MFSD11: variants seen among roughly 807,000 people sequenced by gnomAD.
MFSD11 encodes major facilitator superfamily domain containing 11.
In MFSD11, 36 loss-of-function variants were observed where a neutral mutation model predicts 53.5. That is an observed-to-expected ratio of 0.67 (90% CI 0.52 to 0.89). The LOEUF (loss-of-function observed/expected upper bound fraction) is 0.89. MFSD11 is among the 40% of genes least tolerant of loss of function. The pLI is 0.00. For synonymous variants in MFSD11, 186 were observed against 184.9 expected, an observed-to-expected ratio of 1.01 and a Z score of -0.05; for missense variants, 530 against 543.9, an observed-to-expected ratio of 0.97 and a Z score of 0.25.
chr17:76,786,536 C>T, the MFSD11 span, among the ~76,000 whole-genome samples: 1 of 152,178 alleles, frequency 6.6e-6, no homozygotes, highest in Non-Finnish European at 1.5e-5. Context: ...GCAGCTGGGT[C>T]TTAAGGAAAA....
chr17:76,753,931 C>A, intron 7 of MFSD11, 116 bp from the exon 8 acceptor site: 3 of 745,812 alleles, frequency 4.0e-6, no homozygotes, highest in South Asian at 1.8e-5. Context: ...ACTGGGAATG[C>A]ATCTCAGACC....
the MFSD11 span, among the ~76,000 whole-genome samples, chr17:76,799,954 C>CTTT: frequency 5.3e-3 from 459 of 87,104 alleles, 44 homozygotes; most frequent in Middle Eastern, 7.5e-3. Flanking sequence ...TTTTCTTTTT[C>CTTT]CTTTTTTTTT....
rs28619519 is a variant in MFSD11, at chr17:76,778,157, G to A, written c.1186-31G>A. On this transcript the variant is annotated intron_variant, in intron 12 of 12. Coordinates refer to ENST00000685175, the MANE Select transcript of MFSD11 (RefSeq NM_001242532.5). ...TGTGGCTCAGTGTGGCCCCCGGTGC[G>A]CCCGTTGTGATTTGTTTTGTTTGTT... The A allele has an allele frequency of 0.014, 22,240 of 1,612,726 alleles. 2,419 individuals are homozygous for A. The African/African-American group carries it at 0.25, about 18-fold the overall frequency.
At chr17:76,784,408 C>T (rs1306025749), downstream of MFSD11, among the ~76,000 whole-genome samples, 5 of 152,208 alleles carry the variant, frequency 3.3e-5, no homozygotes, top group East Asian at 9.7e-4. Flanking sequence ...GTGGCGCTGC[C>T]TGTAGTCCCA....
chr17:76,745,265 T>C (rs2078432851), intron 7 of MFSD11: 1 of 152,224 alleles, frequency 6.6e-6, no homozygotes, highest in Non-Finnish European at 1.5e-5. Context: ...GGGCCTAAAA[T>C]TGTCCAGTCA....
At chr17:76,803,320 G>A in the MFSD11 span, among the ~76,000 whole-genome samples, 20 of 152,286 alleles carry the variant, frequency 1.3e-4, no homozygotes, top group African/African-American at 4.6e-4. Context: ...GGCACAGACC[G>A]AACTAACTTT....
At chr17:76,750,436 T>C (rs1187053885) in intron 7 of MFSD11, among the ~76,000 whole-genome samples, 2 of 141,686 alleles carry the variant, frequency 1.4e-5, no homozygotes, top group African/African-American at 5.3e-5. Flanking sequence ...TGGCGCAAAC[T>C]CGGCTCCGCC....
At chr17:76,763,778 A>G (rs2080521721) in intron 8 of MFSD11, among the ~76,000 whole-genome samples, 1 of 152,016 alleles carries the variant, frequency 6.6e-6, no homozygotes, top group Non-Finnish European at 1.5e-5. Context: ...TTTGAAGCAC[A>G]AAACTTAAAA....
At chr17:76,794,349 C>T in the MFSD11 span, among the ~76,000 whole-genome samples, 2 of 150,712 alleles carry the variant, frequency 1.3e-5, no homozygotes, top group African/African-American at 5.0e-5. Flanking sequence ...TGGTGGAGCG[C>T]ACCTGTAATC....
downstream of MFSD11, chr17:76,781,308 A>G (rs1436213800): frequency 2.0e-5 from 3 of 152,234 alleles, no homozygotes; most frequent in Non-Finnish European, 4.4e-5. Context: ...AGGGCAGCCT[A>G]CGACATGGCA....
rs1256470874 is a variant in MFSD11 at position 76,750,364 on chromosome 17, A to ATT, written c.642-3662_642-3661dup. Among the ~76,000 whole-genome samples, 1,038 of 123,610 alleles carry ATT rather than the reference A, an allele frequency of 8.4e-3. 30 individuals are homozygous for ATT. Among genetic ancestry groups the ATT allele is most frequent in the South Asian group, 0.022 (87 of 3,918 alleles). The allele number at this position is 123,610 out of a possible 152,430, so 81.1% of individuals were successfully genotyped here. ...CACACTATTTTTTTGTGTGTTAGTAATTTTTTTTTTTTTTTTTTTTTTGAG... is the reference window on the plus strand; with the variant it reads ...CACACTATTTTTTTGTGTGTTAGTAATTTTTTTTTTTTTTTTTTTTTTTTGAG... On this transcript the variant is annotated intron_variant, in intron 7 of 12. Transcript: ENST00000685175.
Position 76,738,927 on chromosome 17 carries a change from C to G in MFSD11, c.97-11C>G, listed in dbSNP as rs1568036070. The stretch of plus-strand genomic sequence containing the variant: ...AAACATTTTCGTTGATTAGTTTTAT[C>G]TTCCACACAGCAAACTGTCATCAGG... On this transcript the variant is annotated splice_polypyrimidine_tract_variant and intron_variant, in intron 1 of 12. Transcript: ENST00000685175. The G allele has an allele frequency of 5.6e-6, 9 of 1,613,336 alleles. No individual in the cohort carries two copies. Among genetic ancestry groups the G allele is most frequent in the South Asian group, 1.1e-5 (1 of 91,066 alleles).
chr17:76,740,477 T>C (rs1320580758), intron 2 of MFSD11, among the ~76,000 whole-genome samples: 2 of 152,188 alleles, frequency 1.3e-5, no homozygotes, highest in Admixed American at 6.5e-5. Flanking sequence ...GCCAGAGTTG[T>C]AGGCTAAGTT....
Position 76,778,313 on chromosome 17 carries a change from C to T in MFSD11, c.1311C>T (p.Ala437=), listed in dbSNP as rs113162843. The T allele has an allele frequency of 1.7e-5, 28 of 1,614,050 alleles. No individual in the cohort carries two copies. The highest frequency in any genetic ancestry group is 7.7e-5 in the South Asian group (7 of 91,090). ...TCTTCACTGTGGAATGGGAAGCTGC[C>T]GCCTTTGTAGCCCGCGGCTCTGACT... ...ISFFTVEWEA[A]AFVARGSDYR... is the part of the protein sequence containing the mutation. Residue 437 remains alanine (A), a synonymous_variant, in exon 13 of 13, where the codon GCC becomes GCT. Transcript: ENST00000685175.
At chr17:76,757,677 A>G (rs1483243109) in intron 8 of MFSD11, among the ~76,000 whole-genome samples, 3 of 152,222 alleles carry the variant, frequency 2.0e-5, no homozygotes, top group Admixed American at 6.5e-5. Flanking sequence ...AAACAATGCT[A>G]AAGTTCTTCT....
In MFSD11 at chr17:76,767,147, G is replaced by A. The variant is rs2080920348; in HGVS notation, c.683-239G>A. ...CTTCCTTTTCATGTTTTTGTTATAAGAGCTGGAAAATGTGCTGAGGAAATG... is the reference window on the plus strand; with the variant it reads ...CTTCCTTTTCATGTTTTTGTTATAAAAGCTGGAAAATGTGCTGAGGAAATG... On this transcript the variant is annotated intron_variant, in intron 8 of 12. Transcript: ENST00000685175. 7.8e-6 allele frequency: 3 copies of A among 386,712 alleles called. No homozygotes were observed. The South Asian group carries it at 1.5e-4, about 20-fold the overall frequency. 24.0% of individuals were successfully genotyped at this position (386,712 alleles called of 1,614,324 possible).
chr17:76,803,164 A>G, the MFSD11 span, among the ~76,000 whole-genome samples: 2 of 151,826 alleles, frequency 1.3e-5, no homozygotes, highest in Non-Finnish European at 2.9e-5. Context: ...TCAAAAAAAC[A>G]AAAACAAAAA....
rs2082072423 is a variant in MFSD11, at chr17:76,779,089, C to T, written c.*737C>T. On this transcript the variant is annotated 3_prime_UTR_variant, in exon 13 of 13. Transcript: ENST00000685175. ...CCAACATGGTGAAACCTCATCTCTACTAAAAATACAAAAATGTGTTGGGTT... is the reference window on the plus strand; with the variant it reads ...CCAACATGGTGAAACCTCATCTCTATTAAAAATACAAAAATGTGTTGGGTT... 6.6e-6 allele frequency: 1 copy of T among 151,750 alleles called. No homozygotes were observed. The highest frequency in any genetic ancestry group is 1.5e-5 in the Non-Finnish European group (1 of 67,968). 9.4% of individuals were successfully genotyped at this position (151,750 alleles called of 1,614,324 possible).
the MFSD11 span, among the ~76,000 whole-genome samples, chr17:76,795,553 A>G: frequency 6.6e-6 from 1 of 152,038 alleles, no homozygotes; most frequent in Non-Finnish European, 1.5e-5. Flanking sequence ...ATACTATGCT[A>G]TTTTATATCA....
Sources: allele counts gnomAD v4.1 joint callset (sites outside exome capture counted in the v4.1 genomes callset), GRCh38; gene constraint gnomAD v4.1.1; transcripts MANE v1.5; gene names NCBI Gene and HGNC (gene_info 2026-07-23, HGNC 2026-07-21).